The following RBM26 variants were observed in gnomAD, a reference collection of about 807,000 sequenced individuals.
RBM26 encodes RNA-binding protein 26.
In RBM26, 30 loss-of-function variants were observed where a neutral mutation model predicts 123.6. That is an observed-to-expected ratio of 0.24 (90% confidence interval 0.18 to 0.33). RBM26 has a LOEUF of 0.33. Among genes scored for constraint, RBM26 ranks in the 10% least tolerant of loss-of-function variants. The pLI, the probability that RBM26 is intolerant of heterozygous loss-of-function variation, is 1.00. For synonymous variants in RBM26, 400 were observed against 404.4 expected, an observed-to-expected ratio of 0.99 and a Z score of 0.13; for missense variants, 947 against 1,203.6, an observed-to-expected ratio of 0.79 and a Z score of 3.15.
intron 18 of RBM26, among the ~76,000 whole-genome samples, chr13:79,339,012 C>T (rs2070930707): frequency 6.6e-6 from 1 of 152,096 alleles, no homozygotes; most frequent in African/African-American, 2.4e-5. Context: ...ATGTGAGATA[C>T]CCAAATGGAA....
chr13:79,319,252 T>C lies in RBM26; in HGVS notation c.*1369A>G, dbSNP rs986305837. ...GTGAGGACCCCAATATGGAAGAAAGTAATTTTTTAAATGTGATTTTTTAAT... is the reference window on the plus strand; with the variant it reads ...GTGAGGACCCCAATATGGAAGAAAGCAATTTTTTAAATGTGATTTTTTAAT... On this transcript the variant is annotated 3_prime_UTR_variant, in exon 22 of 22. Coordinates refer to ENST00000438737, the MANE Select transcript of RBM26 (RefSeq NM_001366735.2). 1.0e-6 allele frequency: 1 copy of C among 983,862 alleles called. No individual in the cohort carries two copies. The highest frequency in any genetic ancestry group is 6.2e-5 in the Admixed American group (1 of 16,134). The allele number at this position is 983,862 out of a possible 1,614,324, so 60.9% of individuals were successfully genotyped here. A position where few individuals can be genotyped will look rare whatever the true frequency, so the allele number is the denominator to read the frequency against.
chr13:79,325,129 A>G lies in RBM26; in HGVS notation c.2821-2667T>C, dbSNP rs546223397. Among the ~76,000 whole-genome samples, 9 of 152,262 alleles carry G rather than the reference A, an allele frequency of 5.9e-5. No homozygotes were observed. In the South Asian group the frequency reaches 8.3e-4, roughly 14 times the overall value. ...GATTGTGCTGCCAGTCCAGTCATAT[A>G]AAAGTATGGCACGCACAATTATGTA... On this transcript the variant is annotated intron_variant, in intron 20 of 21. Coordinates refer to ENST00000438737, the MANE Select transcript of RBM26 (RefSeq NM_001366735.2).
At chr13:79,391,962 AATT>A (rs1219305333) in intron 1 of RBM26, among the ~76,000 whole-genome samples, 6 of 146,370 alleles carry the variant, frequency 4.1e-5, no homozygotes, top group East Asian at 2.0e-4. Flanking sequence ...AAGAATACAT[AATT>A]ATTATATAAT....
At chr13:79,331,503 AGGCACCTCTAGTCCCAGCTACTCG>A (rs1031431850) in intron 20 of RBM26, among the ~76,000 whole-genome samples, 4 of 150,466 alleles carry the variant, frequency 2.7e-5, no homozygotes, top group African/African-American at 9.7e-5. Context: ...GCGTGGTGGC[AGGCACCTCTAGTCCCAGCTACTCG>A]GGAGGCTGAG....
At chr13:79,328,150 A>C (rs1276767312) in intron 20 of RBM26, among the ~76,000 whole-genome samples, 7 of 152,110 alleles carry the variant, frequency 4.6e-5, no homozygotes, top group Non-Finnish European at 1.0e-4. Context: ...AAAAGTTTAC[A>C]TCGAAAATAA....
At chr13:79,372,866 TA>T (rs557565212) in intron 3 of RBM26, among the ~76,000 whole-genome samples, 2,887 of 64,836 alleles carry the variant, frequency 0.045, 634 homozygotes, top group Middle Eastern at 0.11. Context: ...AATATAAATA[TA>T]TTTATAATAT....
intron 16 of RBM26, among the ~76,000 whole-genome samples, chr13:79,343,352 A>C (rs567326794): frequency 3.4e-4 from 51 of 152,040 alleles, no homozygotes; most frequent in Non-Finnish European, 5.9e-4. Context: ...CAACAAGATA[A>C]GCAAGATAGT....
At chr13:79,394,130 T>A (rs1037956729) in intron 1 of RBM26, among the ~76,000 whole-genome samples, 1 of 152,204 alleles carries the variant, frequency 6.6e-6, no homozygotes, top group Admixed American at 6.5e-5. Flanking sequence ...CCAGCTCAAA[T>A]GACCTCCAAC....
intron 14 of RBM26, among the ~76,000 whole-genome samples, chr13:79,349,887 AG>A (rs1292138655): frequency 1.3e-5 from 2 of 152,020 alleles, no homozygotes; most frequent in Admixed American, 6.6e-5. Flanking sequence ...TAGAAGAGAC[AG>A]GGTTTCACTG....
intron 14 of RBM26, among the ~76,000 whole-genome samples, chr13:79,351,680 G>A (rs1411775379): frequency 1.3e-5 from 2 of 151,996 alleles, no homozygotes; most frequent in African/African-American, 4.8e-5. Flanking sequence ...AAAGGCCAAA[G>A]GAAAACGAGC....
chr13:79,317,121 T>C (rs150904172), downstream of RBM26, among the ~76,000 whole-genome samples: 281 of 151,828 alleles, frequency 1.9e-3, no homozygotes, highest in Middle Eastern at 6.8e-3. Flanking sequence ...AAAGTTACAA[T>C]TGGAAAAAGG....
intron 18 of RBM26, among the ~76,000 whole-genome samples, chr13:79,339,767 C>T (rs530511481): frequency 4.6e-5 from 7 of 151,980 alleles, no homozygotes; most frequent in Non-Finnish European, 8.8e-5. Context: ...ACAGTAAAAA[C>T]GCATATCCAA....
intron 17 of RBM26, among the ~76,000 whole-genome samples, chr13:79,342,267 A>T (rs2071517461): frequency 1.3e-5 from 2 of 151,766 alleles, no homozygotes. Flanking sequence ...GATCTACCTG[A>T]TCAACCTGAA....
At chr13:79,326,680 T>C (rs1030417329) in intron 20 of RBM26, among the ~76,000 whole-genome samples, 4 of 152,146 alleles carry the variant, frequency 2.6e-5, no homozygotes, top group Non-Finnish European at 5.9e-5. Flanking sequence ...ATGAATTCTA[T>C]TAAAATTTTA....
chr13:79,340,193 G>A (rs572735122), intron 18 of RBM26, among the ~76,000 whole-genome samples: 3 of 151,942 alleles, frequency 2.0e-5, no homozygotes, highest in East Asian at 1.9e-4. Flanking sequence ...ATACTGGGCA[G>A]GACACACATG....
chr13:79,323,244 A>G (rs1202684748), intron 20 of RBM26, among the ~76,000 whole-genome samples: 1 of 37,866 alleles, frequency 2.6e-5, no homozygotes, highest in African/African-American at 1.3e-4. Context: ...CATATTGCCA[A>G]ATAACTTATA....
At position 79,344,042 on chromosome 13, in the gene RBM26, T is replaced by G. The variant is rs549536508; in HGVS notation, c.2259+206A>C. 2.2e-4 allele frequency among the ~76,000 whole-genome samples: 33 copies of G among 152,172 alleles called. 1 individual carries two copies. The South Asian group carries it at 6.6e-3, about 31-fold the overall frequency. The stretch of plus-strand genomic sequence containing the variant: ...ACACAACTGAATGAACACCTTAATT[T>G]CATGTTGATAACTATAGTACCAGTT... On this transcript the variant is annotated intron_variant, in intron 16 of 21. Transcript: ENST00000438737.
Position 79,318,938 on chromosome 13 carries a change from C to T in RBM26, c.*1683G>A, listed in dbSNP as rs961754602. ...ATCAGAATAGCACATAGTCAACATA[C>T]AAGAGACTACATAAAAATAGATCTT... On this transcript the variant is annotated 3_prime_UTR_variant, in exon 22 of 22. Coordinates refer to ENST00000438737, the MANE Select transcript of RBM26 (RefSeq NM_001366735.2). 4.1e-6 allele frequency: 4 copies of T among 974,786 alleles called. No individual in the cohort carries two copies. The highest frequency in any genetic ancestry group is 3.5e-5 in the African/African-American group (2 of 56,908). The allele number at this position is 974,786 out of a possible 1,614,324, so 60.4% of individuals were successfully genotyped here.
chr13:79,368,056 C>T (rs558397497), intron 6 of RBM26, among the ~76,000 whole-genome samples: 61 of 145,080 alleles, frequency 4.2e-4, no homozygotes, highest in Middle Eastern at 7.5e-3. Context: ...GACGGAGTCT[C>T]GCTCTGTCAC....
Sources: gnomAD v4.1 joint callset for allele counts (sites outside exome capture counted in the v4.1 genomes callset) on GRCh38, gnomAD v4.1.1 for gene constraint, MANE v1.5 for transcripts, NCBI Gene and HGNC (gene_info 2026-07-23, HGNC 2026-07-21) for gene names.